The following PTPRD variants were observed in gnomAD, a reference collection of about 807,000 sequenced individuals.
PTPRD encodes the protein protein tyrosine phosphatase receptor type D, also known as receptor-type tyrosine-protein phosphatase delta.
A neutral mutation model predicts 214.5 loss-of-function variants in PTPRD; 34 were observed. That is an observed-to-expected ratio of 0.16 (90% CI 0.12 to 0.21). PTPRD has a LOEUF of 0.21. Ranked by LOEUF, PTPRD falls within the 10% of genes least tolerant of loss-of-function variation. The pLI is 1.00. For synonymous variants in PTPRD, 1,128 were observed against 845.7 expected, an observed-to-expected ratio of 1.33 and a Z score of -5.79; for missense variants, 2,545 against 2,398.7, an observed-to-expected ratio of 1.06 and a Z score of -1.27.
intron 6 of PTPRD, among the ~76,000 whole-genome samples, chr9:9,749,511 T>C (rs891385752): frequency 6.6e-6 from 1 of 152,172 alleles, no homozygotes; most frequent in Non-Finnish European, 1.5e-5. Flanking sequence ...AAACACTGGA[T>C]GACATTATCA....
rs118053298 is a variant in PTPRD, at chr9:8,891,706, C to T, written c.-104+126991G>A. 2.8e-3 allele frequency among the ~76,000 whole-genome samples: 421 copies of T among 152,088 alleles called. 1 individual carries two copies. The highest frequency in any genetic ancestry group is 4.6e-3 in the Non-Finnish European group (312 of 68,004). ...TACACCTGACATGGCAAAATTGGGC[C>T]AAGTAGTATGTTAATGGTGCCCTTT... On this transcript the variant is annotated intron_variant, in intron 11 of 45. Coordinates refer to ENST00000381196, the MANE Select transcript of PTPRD (RefSeq NM_002839.4).
At chr9:9,454,801 G>C (rs117237282) in intron 8 of PTPRD, among the ~76,000 whole-genome samples, 1,646 of 151,310 alleles carry the variant, frequency 0.011, 5 homozygotes, top group Non-Finnish European at 0.017. Context: ...GTTGGCAAAA[G>C]ACAGGTGAAT....
chr9:8,368,867 A>G (rs1277811867), intron 39 of PTPRD, among the ~76,000 whole-genome samples: 1 of 152,078 alleles, frequency 6.6e-6, no homozygotes, highest in Non-Finnish European at 1.5e-5. Context: ...AATCTGGCAT[A>G]ATGGGTTCCA....
Position 9,181,016 on chromosome 9 carries a change from G to A in PTPRD, c.-143+2288C>T, listed in dbSNP as rs533813345. ...GACTTGGCTCAGAGTTCCGTCTTCG[G>A]TAGAGTAAAAATACCAAAGAATTTG... On this transcript the variant is annotated intron_variant, in intron 10 of 45. Transcript: ENST00000381196. Among the ~76,000 whole-genome samples the A allele has an allele frequency of 7.2e-5, 11 of 152,204 alleles. No individual in the cohort carries two copies. The East Asian group carries it at 1.9e-3, about 27-fold the overall frequency.
chr9:8,598,159 C>A (rs1202819913), intron 14 of PTPRD, among the ~76,000 whole-genome samples: 4 of 152,106 alleles, frequency 2.6e-5, no homozygotes, highest in African/African-American at 7.2e-5. Context: ...TTCATACATT[C>A]TCCAAATTTT....
At chr9:8,389,196 A>AC (rs768647232) in intron 37 of PTPRD, 36 bp downstream of exon 37, 1 of 1,558,622 alleles carries the variant, frequency 6.4e-7, no homozygotes, top group Admixed American at 1.9e-5. Flanking sequence ...CTGAGGGAAA[A>AC]TTTTTAAAAG....
At chr9:8,664,099 C>T (rs1195120850) in intron 12 of PTPRD, among the ~76,000 whole-genome samples, 1 of 152,138 alleles carries the variant, frequency 6.6e-6, no homozygotes, top group African/African-American at 2.4e-5. Flanking sequence ...GGAGACTGAA[C>T]ACTACAACAC....
chr9:9,942,155 T>C (rs1017986344), intron 4 of PTPRD, among the ~76,000 whole-genome samples: 3 of 152,142 alleles, frequency 2.0e-5, no homozygotes, highest in Non-Finnish European at 4.4e-5. Context: ...ACCACATTGA[T>C]TGGCATCTGT....
At chr9:8,803,296 A>G (rs1052229097) in intron 11 of PTPRD, among the ~76,000 whole-genome samples, 2 of 152,128 alleles carry the variant, frequency 1.3e-5, no homozygotes, top group African/African-American at 2.4e-5. Flanking sequence ...ATGAATAATA[A>G]TGTATACCAT....
chr9:8,392,518 C>G (rs1337258483), intron 36 of PTPRD, among the ~76,000 whole-genome samples: 2 of 152,076 alleles, frequency 1.3e-5, no homozygotes, highest in African/African-American at 4.8e-5. Flanking sequence ...CAGAGCAAGA[C>G]TCTGTCTCAA....
At chr9:8,919,390 T>TG (rs2098809492) in intron 11 of PTPRD, among the ~76,000 whole-genome samples, 1 of 38,020 alleles carries the variant, frequency 2.6e-5, no homozygotes, top group African/African-American at 9.4e-5. Context: ...AGACCCTGTC[T>TG]CAAAAAAAAA....
chr9:9,567,802 A>G (rs772766300), intron 8 of PTPRD, among the ~76,000 whole-genome samples: 2 of 151,968 alleles, frequency 1.3e-5, no homozygotes, highest in Non-Finnish European at 2.9e-5. Context: ...AACTGGTCTA[A>G]GCCAATAGTA....
At chr9:9,116,387 T>A (rs1480328993) in intron 10 of PTPRD, among the ~76,000 whole-genome samples, 4 of 152,100 alleles carry the variant, frequency 2.6e-5, no homozygotes, top group Admixed American at 2.0e-4. Flanking sequence ...AAATACCACA[T>A]GTTCTCACTC....
At chr9:8,854,912 T>C (rs886563644) in intron 11 of PTPRD, among the ~76,000 whole-genome samples, 1 of 152,202 alleles carries the variant, frequency 6.6e-6, no homozygotes, top group Non-Finnish European at 1.5e-5. Flanking sequence ...TTCTTGTTTA[T>C]CTTTGTCATA....
At chr9:10,086,317 C>T (rs981446713) in intron 3 of PTPRD, among the ~76,000 whole-genome samples, 10 of 151,716 alleles carry the variant, frequency 6.6e-5, no homozygotes, top group Admixed American at 5.3e-4. Context: ...GAGTCTGTTT[C>T]CTTACAGTGC....
At chr9:8,572,991 G>A (rs545761633) in intron 14 of PTPRD, among the ~76,000 whole-genome samples, 2 of 151,996 alleles carry the variant, frequency 1.3e-5, no homozygotes, top group East Asian at 1.9e-4. Flanking sequence ...AGTACATTTA[G>A]ATTATAATTT....
At chr9:8,879,340 T>C (rs2098422345) in intron 11 of PTPRD, among the ~76,000 whole-genome samples, 2 of 152,212 alleles carry the variant, frequency 1.3e-5, no homozygotes, top group South Asian at 2.1e-4. Flanking sequence ...GTACTGACCA[T>C]ACAATGTGAT....
chr9:9,310,581 C>T (rs1048340258), intron 9 of PTPRD, among the ~76,000 whole-genome samples: 2 of 152,034 alleles, frequency 1.3e-5, no homozygotes, highest in Admixed American at 6.6e-5. Flanking sequence ...TTTAATGAGC[C>T]GTTATTGAAT....
intron 7 of PTPRD, among the ~76,000 whole-genome samples, chr9:9,718,075 C>T (rs954073861): frequency 7.2e-5 from 11 of 152,124 alleles, no homozygotes; most frequent in Non-Finnish European, 1.5e-4. Context: ...ACGAATTCTG[C>T]TCTTTTCAGA....
Sources: gnomAD v4.1 joint callset for allele counts (sites outside exome capture counted in the v4.1 genomes callset) on GRCh38, gnomAD v4.1.1 for gene constraint, MANE v1.5 for transcripts, NCBI Gene and HGNC (gene_info 2026-07-23, HGNC 2026-07-21) for gene names.